The following STARD13 variants were observed in gnomAD, a reference collection of about 807,000 sequenced individuals.
The protein encoded by STARD13 is StAR related lipid transfer domain containing 13.
A neutral mutation model predicts 106.4 loss-of-function variants in STARD13; 62 were observed. That is an observed-to-expected ratio of 0.58 (90% CI 0.48 to 0.72). The LOEUF (loss-of-function observed/expected upper bound fraction) is 0.72, where lower values mean the gene tolerates loss of function less well. Among genes scored for constraint, STARD13 ranks in the 30% least tolerant of loss-of-function variants. The pLI is 0.00. For synonymous variants in STARD13, 565 were observed against 553.0 expected, an observed-to-expected ratio of 1.02 and a Z score of -0.31; for missense variants, 1,387 against 1,424.0, an observed-to-expected ratio of 0.97 and a Z score of 0.42.
At chr13:33,110,503 G>A (rs1313636586) in intron 11 of STARD13, among the ~76,000 whole-genome samples, 183 bp downstream of exon 11, 3 of 152,146 alleles carry the variant, frequency 2.0e-5, no homozygotes, top group Admixed American at 1.3e-4. Context: ...CGGCTCCATA[G>A]TTTACTCTCT....
the STARD13 span, among the ~76,000 whole-genome samples, chr13:33,545,166 G>T: frequency 4.6e-5 from 7 of 152,090 alleles, no homozygotes; most frequent in Non-Finnish European, 8.8e-5. Flanking sequence ...CTCCATGTTG[G>T]TCAGGCTGGT....
intron 3 of STARD13, among the ~76,000 whole-genome samples, chr13:33,151,772 G>A (rs1003526830): frequency 3.3e-5 from 5 of 152,198 alleles, no homozygotes; most frequent in African/African-American, 7.2e-5. Flanking sequence ...GGATAGAGAA[G>A]GAACTAAAGA....
the STARD13 span, among the ~76,000 whole-genome samples, chr13:33,413,532 G>A: frequency 6.6e-6 from 1 of 152,168 alleles, no homozygotes; most frequent in Non-Finnish European, 1.5e-5. Flanking sequence ...TGAACCTCAT[G>A]TGAAAAGGAT....
At chr13:33,574,913 CTT>C in the STARD13 span, among the ~76,000 whole-genome samples, 51 of 117,574 alleles carry the variant, frequency 4.3e-4, no homozygotes, top group African/African-American at 1.5e-3. Flanking sequence ...TATGCATCTA[CTT>C]TTTTTTTTTT....
At chr13:33,392,260 C>A in the STARD13 span, among the ~76,000 whole-genome samples, 1 of 152,084 alleles carries the variant, frequency 6.6e-6, no homozygotes, top group African/African-American at 2.4e-5. Flanking sequence ...CCTGGTGACC[C>A]CATGCCCAGC....
chr13:33,378,524 C>T, the STARD13 span, among the ~76,000 whole-genome samples: 950 of 152,314 alleles, frequency 6.2e-3, 10 homozygotes, highest in African/African-American at 0.02. Flanking sequence ...GGCGCAGTGG[C>T]TCACGCCTGT....
chr13:33,326,284 A>T (rs1477865458), intron 1 of STARD13, among the ~76,000 whole-genome samples: 1 of 152,234 alleles, frequency 6.6e-6, no homozygotes, highest in Admixed American at 6.5e-5. Flanking sequence ...GAGATTTATC[A>T]GCCAGAGATT....
intron 1 of STARD13, among the ~76,000 whole-genome samples, chr13:33,210,748 C>T (rs561061721): frequency 4.6e-5 from 7 of 152,132 alleles, no homozygotes; most frequent in African/African-American, 7.2e-5. Context: ...AAATAGGGTG[C>T]GATATTGTGT....
At chr13:33,289,727 C>G (rs981740131), upstream of STARD13, among the ~76,000 whole-genome samples, 2 of 151,998 alleles carry the variant, frequency 1.3e-5, no homozygotes, top group Non-Finnish European at 2.9e-5. Context: ...GCTAAAATCC[C>G]GTGGTGATTG....
chr13:33,111,825 C>A lies in STARD13; in HGVS notation c.2560G>T (p.Ala854Ser). 1 of 1,614,202 alleles carries A rather than the reference C, an allele frequency of 6.2e-7. No individual in the cohort carries two copies. The highest frequency in any genetic ancestry group is 8.5e-7 in the Non-Finnish European group (1 of 1,180,030). The change falls in exon 10 of 14, where the codon GCT (alanine) becomes TCT (serine). Residue 854 changes from alanine to serine, a missense_variant. Physicochemically the swap from Ala to Ser is moderately conservative, Grantham distance 99. Coordinates refer to ENST00000336934, the MANE Select transcript of STARD13 (RefSeq NM_178006.4). ...QKDLNENLAA[A>S]QGLAHMIMEC... The stretch of plus-strand genomic sequence containing the variant: ...ATGATCATGTGCGCTAGCCCCTGAG[C>A]TGCTGCCAGATTCTCGTTGAGGTCC...
At chr13:33,360,848 T>G in the STARD13 span, among the ~76,000 whole-genome samples, 3 of 143,554 alleles carry the variant, frequency 2.1e-5, no homozygotes, top group South Asian at 7.0e-4. Context: ...CAGGCTGGAG[T>G]GCAGTGGCGC....
At chr13:33,191,907 T>G (rs1020805706) in intron 1 of STARD13, among the ~76,000 whole-genome samples, 2 of 152,226 alleles carry the variant, frequency 1.3e-5, no homozygotes, top group African/African-American at 4.8e-5. Context: ...TGCAAGGCAG[T>G]CAGTTATTGT....
At chr13:33,254,821 C>T (rs1245814999) in intron 1 of STARD13, among the ~76,000 whole-genome samples, 1 of 152,172 alleles carries the variant, frequency 6.6e-6, no homozygotes, top group Non-Finnish European at 1.5e-5. Flanking sequence ...CCCACTCCAA[C>T]CCCTCTTTGG....
the STARD13 span, among the ~76,000 whole-genome samples, chr13:33,528,364 G>T: frequency 6.7e-6 from 1 of 148,894 alleles, no homozygotes; most frequent in Non-Finnish European, 1.5e-5. Context: ...CAAACTCCTG[G>T]GCTCAAGCCA....
the STARD13 span, among the ~76,000 whole-genome samples, chr13:33,387,456 C>T: frequency 1.3e-5 from 2 of 152,080 alleles, no homozygotes; most frequent in African/African-American, 4.8e-5. Flanking sequence ...CAAAACAAAA[C>T]AAAAAACCGT....
chr13:33,650,173 T>G, the STARD13 span, among the ~76,000 whole-genome samples: 13 of 63,042 alleles, frequency 2.1e-4, 1 homozygote, highest in Admixed American at 9.9e-4. Flanking sequence ...AATTTTTTTT[T>G]TTTTTTTTTT....
At chr13:33,286,335 T>C (rs1471326842), upstream of STARD13, among the ~76,000 whole-genome samples, 2 of 152,146 alleles carry the variant, frequency 1.3e-5, no homozygotes, top group African/African-American at 4.8e-5. Flanking sequence ...GTGATGGGAA[T>C]TGGAGGGCTC....
the STARD13 span, among the ~76,000 whole-genome samples, chr13:33,609,073 G>A: frequency 0.057 from 6,515 of 113,522 alleles, 240 homozygotes; most frequent in East Asian, 0.23. Flanking sequence ...GCGACAGAGC[G>A]AGACTCCGTC....
chr13:33,413,982 AG>A, the STARD13 span, among the ~76,000 whole-genome samples: 16,364 of 148,798 alleles, frequency 0.11, 2,031 homozygotes, highest in East Asian at 0.29. Context: ...GCAGTGAGCC[AG>A]GATTGAACCA....
Sources: allele counts gnomAD v4.1 joint callset (sites outside exome capture counted in the v4.1 genomes callset), GRCh38; gene constraint gnomAD v4.1.1; transcripts MANE v1.5; gene names NCBI Gene and HGNC (gene_info 2026-07-23, HGNC 2026-07-21).